STPG2: variants seen among roughly 807,000 people sequenced by gnomAD.
STPG2 encodes sperm-tail PG-rich repeat-containing protein 2.
In STPG2, 56 loss-of-function variants were observed where a neutral mutation model predicts 54.2. The ratio of observed to expected loss-of-function variants is 1.03; its 90% CI spans 0.83 to 1.29. The LOEUF (loss-of-function observed/expected upper bound fraction) is 1.29. Ranked by LOEUF, STPG2 falls within the 50% of genes most tolerant of loss-of-function variation. The probability of loss-of-function intolerance (pLI) is 0.00; values close to 1 mark genes in which losing one functional copy is unlikely to be tolerated. For synonymous variants in STPG2, 200 were observed against 181.8 expected, an observed-to-expected ratio of 1.10 and a Z score of -0.81; for missense variants, 596 against 544.9, an observed-to-expected ratio of 1.09 and a Z score of -0.93.
chr4:97,606,702 AT>A (rs1733602531), intron 10 of STPG2, among the ~76,000 whole-genome samples: 1 of 152,012 alleles, frequency 6.6e-6, no homozygotes, highest in South Asian at 2.1e-4. Flanking sequence ...GTCCAAATGA[AT>A]TGTTAATGAT....
At chr4:97,843,754 T>C (rs1446102284) in intron 8 of STPG2, among the ~76,000 whole-genome samples, 1 of 151,952 alleles carries the variant, frequency 6.6e-6, no homozygotes, top group Non-Finnish European at 1.5e-5. Context: ...TCAGCCTGTT[T>C]GTATTTTGGC....
intron 10 of STPG2, among the ~76,000 whole-genome samples, chr4:97,636,762 G>C (rs1721551537): frequency 6.6e-6 from 1 of 152,152 alleles, no homozygotes; most frequent in Non-Finnish European, 1.5e-5. Flanking sequence ...TAAATTCCTT[G>C]ATACATACAC....
intron 8 of STPG2, among the ~76,000 whole-genome samples, chr4:97,843,038 C>G (rs1728847256): frequency 6.6e-6 from 1 of 151,938 alleles, no homozygotes; most frequent in East Asian, 1.9e-4. Flanking sequence ...CCTAAATGAG[C>G]TGAATACCAT....
chr4:97,834,271 C>T (rs1451236753), intron 9 of STPG2, among the ~76,000 whole-genome samples: 1 of 152,114 alleles, frequency 6.6e-6, no homozygotes, highest in East Asian at 1.9e-4. Flanking sequence ...GAAAACCAAA[C>T]ACCACATGTT....
intron 8 of STPG2, among the ~76,000 whole-genome samples, chr4:97,894,345 G>T (rs1012554360): frequency 6.6e-6 from 1 of 151,676 alleles, no homozygotes; most frequent in Non-Finnish European, 1.5e-5. Flanking sequence ...ATTCATCTAC[G>T]AAAAAATACA....
intron 8 of STPG2, among the ~76,000 whole-genome samples, chr4:97,941,747 T>C (rs576197039): frequency 2.0e-5 from 3 of 152,084 alleles, no homozygotes; most frequent in Non-Finnish European, 2.9e-5. Flanking sequence ...CATTACTTTA[T>C]ACATTTGAGA....
At chr4:98,112,284 T>C (rs1739386803) in intron 3 of STPG2, among the ~76,000 whole-genome samples, 1 of 152,142 alleles carries the variant, frequency 6.6e-6, no homozygotes, top group Non-Finnish European at 1.5e-5. Flanking sequence ...ACAAATACCA[T>C]TGTGTATCTG....
At chr4:97,513,742 A>T (rs1731019740) in intron 4 of STPG2, among the ~76,000 whole-genome samples, 1 of 152,172 alleles carries the variant, frequency 6.6e-6, no homozygotes, top group Non-Finnish European at 1.5e-5. Context: ...AAGAAAAGGA[A>T]ACTGAGTTTA....
At chr4:97,601,845 T>A (rs1733470814) in intron 10 of STPG2, among the ~76,000 whole-genome samples, 1 of 151,886 alleles carries the variant, frequency 6.6e-6, no homozygotes, top group African/African-American at 2.4e-5. Flanking sequence ...CCTCAAGAAA[T>A]CCTTAGTTAC....
intron 5 of STPG2, among the ~76,000 whole-genome samples, chr4:98,071,930 A>G (rs1209647029): frequency 1.3e-5 from 2 of 152,206 alleles, no homozygotes; most frequent in African/African-American, 4.8e-5. Flanking sequence ...AAGGTTGTGG[A>G]GAGAAAAGAA....
chr4:97,461,296 G>T (rs941212262), intron 4 of STPG2, among the ~76,000 whole-genome samples: 9 of 151,884 alleles, frequency 5.9e-5, no homozygotes, highest in Non-Finnish European at 1.0e-4. Context: ...ATGCTAATGG[G>T]AATAAAGTAG....
chr4:98,074,510 A>T (rs1195657273), intron 5 of STPG2, among the ~76,000 whole-genome samples: 1 of 152,126 alleles, frequency 6.6e-6, no homozygotes, highest in African/African-American at 2.4e-5. Flanking sequence ...TCTTCACATC[A>T]TACTTCTGTC....
intron 7 of STPG2, among the ~76,000 whole-genome samples, chr4:97,946,492 T>C (rs1733229031): frequency 6.6e-6 from 1 of 152,180 alleles, no homozygotes; most frequent in Non-Finnish European, 1.5e-5. Context: ...AGAAGAGTTT[T>C]TCTTACGTTA....
At chr4:98,078,045 A>T (rs1738227976) in intron 5 of STPG2, among the ~76,000 whole-genome samples, 1 of 152,204 alleles carries the variant, frequency 6.6e-6, no homozygotes, top group African/African-American at 2.4e-5. Flanking sequence ...TCCTTAAAAA[A>T]ATGTTTGTTT....
At chr4:97,557,471 A>T (rs1301410870), downstream of STPG2, among the ~76,000 whole-genome samples, 1 of 152,198 alleles carries the variant, frequency 6.6e-6, no homozygotes, top group African/African-American at 2.4e-5. Context: ...TAGTGAAAAT[A>T]AAACACTGTG....
At chr4:97,846,126 G>C (rs1405936196) in intron 8 of STPG2, among the ~76,000 whole-genome samples, 1 of 151,926 alleles carries the variant, frequency 6.6e-6, no homozygotes, top group African/African-American at 2.4e-5. Flanking sequence ...GTCTGGACTG[G>C]AAAGACAGAG....
At chr4:97,518,161 TTC>T (rs1731113139) in intron 4 of STPG2, among the ~76,000 whole-genome samples, 1 of 152,102 alleles carries the variant, frequency 6.6e-6, no homozygotes, top group Non-Finnish European at 1.5e-5. Flanking sequence ...CTGACATAAC[TTC>T]TCTCTAGTTC....
At chr4:97,551,033 T>C (rs1405410328) in intron 4 of STPG2, among the ~76,000 whole-genome samples, 2 of 151,066 alleles carry the variant, frequency 1.3e-5, no homozygotes, top group African/African-American at 2.5e-5. Flanking sequence ...GGGTTGCCGC[T>C]GTGGGCTCAG....
At chr4:97,494,523 C>T (rs753253287) in intron 4 of STPG2, among the ~76,000 whole-genome samples, 6 of 151,436 alleles carry the variant, frequency 4.0e-5, no homozygotes, top group African/African-American at 1.5e-4. Flanking sequence ...TCTTTGTCTC[C>T]ACATTATATG....
Sources: gnomAD v4.1 joint callset for allele counts (sites outside exome capture counted in the v4.1 genomes callset) on GRCh38, gnomAD v4.1.1 for gene constraint, MANE v1.5 for transcripts, NCBI Gene and HGNC (gene_info 2026-07-23, HGNC 2026-07-21) for gene names.